The following TNIK variants were observed in gnomAD, a reference collection of about 807,000 sequenced individuals.
The protein encoded by TNIK is TRAF2 and NCK-interacting protein kinase.
Under a neutral mutation model 191.3 loss-of-function variants are expected in TNIK, and 49 were observed. The ratio of observed to expected loss-of-function variants is 0.26; its 90% CI spans 0.20 to 0.32. The LOEUF (loss-of-function observed/expected upper bound fraction) is 0.32. Among genes scored for constraint, TNIK ranks in the 10% least tolerant of loss-of-function variants. The pLI is 1.00. For synonymous variants in TNIK, 594 were observed against 600.9 expected (o/e 0.99, Z 0.17); for missense variants, 1,155 against 1,702.3 (o/e 0.68, Z 5.66).
At chr3:171,115,196 G>C (rs1726485908) in intron 18 of TNIK, among the ~76,000 whole-genome samples, 2 of 152,192 alleles carry the variant, frequency 1.3e-5, no homozygotes, top group Admixed American at 6.5e-5. Context: ...TTGAGAGGAG[G>C]GTAGCTGGTG....
At chr3:171,149,187 G>A (rs188699880) in intron 12 of TNIK, among the ~76,000 whole-genome samples, 5 of 152,330 alleles carry the variant, frequency 3.3e-5, no homozygotes, top group African/African-American at 9.6e-5. Context: ...CAGACTAGAT[G>A]TAATAAAGGT....
chr3:171,431,541 A>G (rs1725394752), intron 1 of TNIK, among the ~76,000 whole-genome samples: 1 of 152,118 alleles, frequency 6.6e-6, no homozygotes, highest in African/African-American at 2.4e-5. Flanking sequence ...TTTTTTAATG[A>G]GCCTACATTA....
chr3:171,370,767 G>A (rs1164573440), intron 1 of TNIK, among the ~76,000 whole-genome samples: 1 of 152,136 alleles, frequency 6.6e-6, no homozygotes, highest in Non-Finnish European at 1.5e-5. Flanking sequence ...GCACAATATT[G>A]CCAGGTCTAA....
intron 2 of TNIK, among the ~76,000 whole-genome samples, chr3:171,339,088 A>G (rs1346188538): frequency 1.3e-5 from 2 of 152,210 alleles, no homozygotes; most frequent in African/African-American, 4.8e-5. Context: ...AATACATGCT[A>G]GTCAGAGGGC....
At chr3:171,104,482 A>C (rs1724324489) in intron 21 of TNIK, among the ~76,000 whole-genome samples, 1 of 152,122 alleles carries the variant, frequency 6.6e-6, no homozygotes, top group African/African-American at 2.4e-5. Flanking sequence ...TAAAAAAGAA[A>C]TATGGCAAGA....
intron 2 of TNIK, among the ~76,000 whole-genome samples, chr3:171,345,055 A>T (rs1458166792): frequency 6.6e-6 from 1 of 152,126 alleles, no homozygotes; most frequent in Non-Finnish European, 1.5e-5. Context: ...ACACAGTGAC[A>T]TCTATGGTCT....
At chr3:171,241,819 A>G (rs1035845239) in intron 2 of TNIK, among the ~76,000 whole-genome samples, 3 of 152,170 alleles carry the variant, frequency 2.0e-5, no homozygotes, top group Non-Finnish European at 4.4e-5. Flanking sequence ...CATATACACC[A>G]TGGAATACTA....
In TNIK at chr3:171,157,679, G is replaced by A; in HGVS notation, c.1017-15C>T. ...TCAGGATGGAGCTGTGGGTAGGAGA[G>A]AGTGATCAGGATCCCACGTGGGGCA... On this transcript the variant is annotated splice_polypyrimidine_tract_variant and intron_variant, in intron 11 of 32. Transcript: ENST00000436636. 1 of 1,552,454 alleles carries A rather than the reference G, an allele frequency of 6.4e-7. No homozygotes were observed.
At chr3:171,230,005 G>A (rs148992003) in intron 2 of TNIK, among the ~76,000 whole-genome samples, 210 of 152,236 alleles carry the variant, frequency 1.4e-3, no homozygotes, top group African/African-American at 4.8e-3. Flanking sequence ...TACAAAACGT[G>A]GGGAGACTGG....
intron 7 of TNIK, among the ~76,000 whole-genome samples, chr3:171,179,694 C>A (rs1185413996): frequency 6.6e-6 from 1 of 152,188 alleles, no homozygotes; most frequent in Non-Finnish European, 1.5e-5. Context: ...TCGTGATCCA[C>A]CTGCCTCAGC....
In TNIK at chr3:171,166,949, G is replaced by C. The variant is rs547681589; in HGVS notation, c.949+146C>G. ...AATAGTCTCACGCCACTGATGCCCAGAGGCTGTGGTCTCAGAGACAGCCCC... is the reference window on the plus strand; with the variant it reads ...AATAGTCTCACGCCACTGATGCCCACAGGCTGTGGTCTCAGAGACAGCCCC... On this transcript the variant is annotated intron_variant, in intron 10 of 32. Coordinates refer to ENST00000436636, the MANE Select transcript of TNIK (RefSeq NM_015028.4). The C allele has an allele frequency of 1.1e-5, 11 of 996,792 alleles. No individual in the cohort carries two copies. In the African/African-American group the frequency reaches 1.6e-4, roughly 15 times the overall value. The allele number at this position is 996,792 out of a possible 1,614,324, so 61.7% of individuals were successfully genotyped here.
chr3:171,402,899 C>A (rs9826543), intron 1 of TNIK, among the ~76,000 whole-genome samples: 3,633 of 152,224 alleles, frequency 0.024, 125 homozygotes, highest in African/African-American at 0.084. Flanking sequence ...GTATATTTTT[C>A]AACCCAGAAT....
chr3:171,217,803 A>C (rs2108940250), intron 3 of TNIK, among the ~76,000 whole-genome samples: 1 of 152,238 alleles, frequency 6.6e-6, no homozygotes, highest in East Asian at 1.9e-4. Context: ...GTTTAAGCTG[A>C]GTTTTTAAGG....
chr3:171,262,525 A>G (rs1747773727), intron 2 of TNIK, among the ~76,000 whole-genome samples: 1 of 152,248 alleles, frequency 6.6e-6, no homozygotes. Context: ...CATTCAGAAC[A>G]GAAGCAACAA....
At chr3:171,414,896 T>C (rs1291413546) in intron 1 of TNIK, among the ~76,000 whole-genome samples, 1 of 152,230 alleles carries the variant, frequency 6.6e-6, no homozygotes. Context: ...ACTAGCCATT[T>C]TCAGTCTTTC....
chr3:171,328,113 C>T (rs1483495198), intron 2 of TNIK, among the ~76,000 whole-genome samples: 1 of 151,986 alleles, frequency 6.6e-6, no homozygotes, highest in Non-Finnish European at 1.5e-5. Context: ...GGAGATGCGG[C>T]CTTTGGGAGA....
intron 1 of TNIK, among the ~76,000 whole-genome samples, chr3:171,399,867 T>C (rs918584564): frequency 2.6e-5 from 4 of 152,224 alleles, no homozygotes; most frequent in Admixed American, 6.5e-5. Flanking sequence ...GTAGCAAGTA[T>C]GCTTTACTTT....
chr3:171,397,984 G>A (rs1282802393), intron 1 of TNIK, among the ~76,000 whole-genome samples: 1 of 152,210 alleles, frequency 6.6e-6, no homozygotes, highest in Non-Finnish European at 1.5e-5. Flanking sequence ...CACTGCTGGA[G>A]AATTCTTAGA....
chr3:171,273,730 G>A (rs6794041), intron 2 of TNIK, among the ~76,000 whole-genome samples: 9,214 of 152,120 alleles, frequency 0.061, 321 homozygotes, highest in Middle Eastern at 0.12. Flanking sequence ...CAAAAAACCC[G>A]ACCTTTTTAA....
Sources: allele counts gnomAD v4.1 joint callset (sites outside exome capture counted in the v4.1 genomes callset), GRCh38; gene constraint gnomAD v4.1.1; transcripts MANE v1.5; gene names NCBI Gene and HGNC (gene_info 2026-07-23, HGNC 2026-07-21).